The following HECTD4 variants were observed in gnomAD, a reference collection of about 807,000 sequenced individuals.
HECTD4 encodes the protein HECT domain E3 ubiquitin protein ligase 4.
A neutral mutation model predicts 471.5 loss-of-function variants in HECTD4; 114 were observed. The ratio of observed to expected loss-of-function variants is 0.24; its 90% CI spans 0.21 to 0.28. The LOEUF (loss-of-function observed/expected upper bound fraction) is 0.28, where lower values mean the gene tolerates loss of function less well. HECTD4 is among the 10% of genes least tolerant of loss of function. The probability of loss-of-function intolerance (pLI) is 1.00; values close to 1 mark genes in which losing one functional copy is unlikely to be tolerated. For missense variants in HECTD4, 3,866 were observed against 5,651.5 expected, an observed-to-expected ratio of 0.68 and a Z score of 10.13; for synonymous variants, 2,012 against 2,256.0, an observed-to-expected ratio of 0.89 and a Z score of 3.07.
At chr12:112,314,003 T>A (rs536652907) in intron 3 of HECTD4, among the ~76,000 whole-genome samples, 1 of 152,220 alleles carries the variant, frequency 6.6e-6, no homozygotes, top group African/African-American at 2.4e-5. Context: ...TAATATATTA[T>A]CATCTCAAAA....
Position 112,246,831 on chromosome 12 carries a change from TC to T in HECTD4, c.4513+69del, listed in dbSNP as rs369431403. 368 of 1,373,190 alleles carry T rather than the reference TC, an allele frequency of 2.7e-4. 4 individuals are homozygous for T. In the East Asian group the frequency reaches 7.6e-3, roughly 28 times the overall value. 85.1% of individuals were successfully genotyped at this position (1,373,190 alleles called of 1,614,324 possible). A position where few individuals can be genotyped will look rare whatever the true frequency, so the allele number is the denominator to read the frequency against. On this transcript the variant is annotated intron_variant, in intron 29 of 75. Coordinates refer to ENST00000682272, the MANE Select transcript of HECTD4 (RefSeq NM_001388303.1). ...GAATTTTTCAAAATATAGCTGTGTG[TC>T]TTATATGAACAGAGTATATTCTCTG...
In HECTD4 at chr12:112,172,661, G is replaced by A. The variant is rs543207726; in HGVS notation, c.11785+10C>T. On this transcript the variant is annotated intron_variant, in intron 67 of 75. Transcript: ENST00000682272. Reference sequence around the variant, plus strand: ...GCAGCAGGGGAGGGGATAGGCCCAGGGCCACATACTCAGGAGACAGGCCAC... The same window carrying A: ...GCAGCAGGGGAGGGGATAGGCCCAGAGCCACATACTCAGGAGACAGGCCAC... The A allele has an allele frequency of 6.2e-7, 1 of 1,613,338 alleles. No homozygotes were observed. Among genetic ancestry groups the A allele is most frequent in the Admixed American group, 1.7e-5 (1 of 60,016 alleles).
chr12:112,248,196 C>A, intron 26 of HECTD4, 25 bp from the exon 27 acceptor site: 1 of 1,582,886 alleles, frequency 6.3e-7, no homozygotes, highest in Non-Finnish European at 8.6e-7. Flanking sequence ...AAAATAGATG[C>A]AAAATAAAAA....
chr12:112,177,449 G>A (rs555961988), intron 64 of HECTD4, among the ~76,000 whole-genome samples: 2 of 147,518 alleles, frequency 1.4e-5, no homozygotes, highest in East Asian at 2.0e-4. Context: ...GCGTGACCTC[G>A]GCTCACTGCA....
intron 1 of HECTD4, among the ~76,000 whole-genome samples, chr12:112,374,146 G>A (rs1269470734): frequency 1.3e-5 from 2 of 151,974 alleles, no homozygotes; most frequent in Non-Finnish European, 2.9e-5. Context: ...CAACCAGCCT[G>A]AGCAACACAG....
rs1346352208 is a variant in HECTD4 at position 112,207,941 on chromosome 12, T to C, written c.8064A>G (p.Arg2688=). 6.2e-7 allele frequency: 1 copy of C among 1,613,898 alleles called. No individual in the cohort carries two copies. The highest frequency in any genetic ancestry group is 1.1e-5 in the South Asian group (1 of 91,042). Residue 2688 remains arginine, a synonymous_variant, in exon 52 of 76, where the codon CGA becomes CGG. Transcript: ENST00000682272. ...GCTCTGCTTCATTGCGGAAGCGTCT[T>C]CGGATGGTAGGAAAAACCTTGGTCT... ...AWETKVFPTI[R]RRFRNEAERK...
chr12:112,376,075 T>C (rs1051206564), intron 1 of HECTD4, among the ~76,000 whole-genome samples: 8 of 151,090 alleles, frequency 5.3e-5, no homozygotes, highest in South Asian at 2.1e-4. Flanking sequence ...GACTCCTGTC[T>C]AAAAAAAAAT....
In HECTD4 at chr12:112,317,875, G is replaced by A. The variant is rs138229878; in HGVS notation, c.695+1350C>T. Among the ~76,000 whole-genome samples the A allele has an allele frequency of 2.7e-3, 403 of 150,226 alleles. 6 individuals are homozygous for A. Among genetic ancestry groups the A allele is most frequent in the African/African-American group, 9.6e-3 (394 of 41,010 alleles). Reference sequence around the variant, plus strand: ...GGTGCCTGTAGTCCCAGCTACTCGGGAGGCTGAGGTGGGAGGATCACAGTG... The same window carrying A: ...GGTGCCTGTAGTCCCAGCTACTCGGAAGGCTGAGGTGGGAGGATCACAGTG... On this transcript the variant is annotated intron_variant, in intron 2 of 75. Transcript: ENST00000682272.
chr12:112,235,367 C>A lies in HECTD4; in HGVS notation c.5726-101G>T. ...GGTTTGGGATTTGGAATCTTTCTTC[C>A]CCCTTCTCTATTCCTGTCCCCGCTC... On this transcript the variant is annotated intron_variant, in intron 36 of 75. Transcript: ENST00000682272. The surrounding 1 kb of genome is among the most constrained non-coding windows in gnomAD (Gnocchi z 5.0). 6.7e-7 allele frequency: 1 copy of A among 1,489,506 alleles called. No individual in the cohort carries two copies. Among genetic ancestry groups the A allele is most frequent in the South Asian group, 1.3e-5 (1 of 74,992 alleles). 92.3% of individuals were successfully genotyped at this position (1,489,506 alleles called of 1,614,324 possible).
intron 53 of HECTD4, 120 bp downstream of exon 53, chr12:112,204,366 C>T: frequency 1.0e-6 from 1 of 991,004 alleles, no homozygotes; most frequent in Non-Finnish European, 1.5e-6. Context: ...AAGAGGTTAG[C>T]CCAGTCGGAG....
intron 1 of HECTD4, among the ~76,000 whole-genome samples, chr12:112,339,517 G>A (rs2036018176): frequency 6.6e-6 from 1 of 152,040 alleles, no homozygotes; most frequent in African/African-American, 2.4e-5. Context: ...CAGCTGACCA[G>A]GAGCTTTAAA....
chr12:112,265,163 A>AT lies in HECTD4; in HGVS notation c.2619+11dup. 1.3e-6 allele frequency: 2 copies of AT among 1,583,962 alleles called. No individual in the cohort carries two copies. The highest frequency in any genetic ancestry group is 1.2e-5 in the South Asian group (1 of 83,790). ...ATATAATTTTGCTTTCATTAAACAC[A>AT]TTTTTACTTACAGGCACAGTTGAAA... On this transcript the variant is annotated intron_variant, in intron 16 of 75. Transcript: ENST00000682272.
At chr12:112,224,204 T>G (rs2033169303) in intron 44 of HECTD4, among the ~76,000 whole-genome samples, 1 of 152,154 alleles carries the variant, frequency 6.6e-6, no homozygotes, top group Non-Finnish European at 1.5e-5. Context: ...GTCAGTAAAC[T>G]TTGCCATTTA....
At position 112,381,984 on chromosome 12, in the gene HECTD4, C is replaced by G; in HGVS notation, c.145G>C (p.Gly49Arg). Residue 49 changes from glycine (G) to arginine (R), a missense_variant, in exon 1 of 76, where the codon GGG (glycine) becomes CGG (arginine). Coordinates refer to ENST00000682272, the MANE Select transcript of HECTD4 (RefSeq NM_001388303.1). This position sits in a 1 kb window ranked among gnomAD's most constrained non-coding sequence, Gnocchi z 4.1. ...TCGGTGTCCGCGGCCTCTGGGGCCC[C>G]GAGGATCTCGCTGGGCAGCTCGGCC... is the stretch of plus-strand genomic sequence containing the variant. Reference protein sequence around the residue: ...DLAELPSEILGAPEAADTDLE... With the variant: ...DLAELPSEILRAPEAADTDLE... 2.4e-6 allele frequency: 3 copies of G among 1,224,840 alleles called. No homozygotes were observed. The highest frequency in any genetic ancestry group is 2.0e-6 in the Non-Finnish European group (2 of 983,448). The allele number at this position is 1,224,840 out of a possible 1,614,324, so 75.9% of individuals were successfully genotyped here.
chr12:112,164,337 C>T, intron 72 of HECTD4, 62 bp from the exon 73 acceptor site: 2 of 1,540,256 alleles, frequency 1.3e-6, no homozygotes, highest in Non-Finnish European at 8.8e-7. Flanking sequence ...CCCTGATCCC[C>T]AGGTGGCTGG....
chr12:112,340,042 C>CAA (rs1330584489), intron 1 of HECTD4, among the ~76,000 whole-genome samples: 5 of 112,584 alleles, frequency 4.4e-5, no homozygotes, highest in Admixed American at 9.4e-5. Context: ...GAGTGAGACT[C>CAA]AAAAAAAAAA....
intron 9 of HECTD4, among the ~76,000 whole-genome samples, chr12:112,276,171 G>A (rs1212869751): frequency 3.3e-5 from 5 of 152,176 alleles, no homozygotes; most frequent in Non-Finnish European, 5.9e-5. Context: ...CACAGTAGCC[G>A]AAGAGGAACA....
At chr12:112,365,087 G>A (rs754876525) in intron 1 of HECTD4, among the ~76,000 whole-genome samples, 2 of 152,112 alleles carry the variant, frequency 1.3e-5, no homozygotes, top group Non-Finnish European at 2.9e-5. Flanking sequence ...TCTAAAAAGC[G>A]TTATCTAACA....
Position 112,192,691 on chromosome 12 carries a change from T to C in HECTD4, c.9161A>G (p.Gln3054Arg), listed in dbSNP as rs757074272. 6.2e-7 allele frequency: 1 copy of C among 1,602,532 alleles called. No homozygotes were observed. Among genetic ancestry groups the C allele is most frequent in the Non-Finnish European group, 8.5e-7 (1 of 1,175,006 alleles). Residue 3054 changes from glutamine (Q) to arginine (R), a missense_variant, in exon 59 of 76, where the codon CAG becomes CGG. Around this residue, in one of 16 missense-constraint regions of HECTD4, gnomAD observed 364 missense variants for 413.2 expected, o/e 0.88. Transcript: ENST00000682272. ...GLGHKVKRNG[Q>R]LNLIEAACYP... ...ACAGGCGGCCTCGATGAGGTTCAGC[T>C]GGCCATTTCGCTTCACTTTGTGGCC...
Sources: gnomAD v4.1 joint callset for allele counts (sites outside exome capture counted in the v4.1 genomes callset) on GRCh38, gnomAD v4.1.1 for gene constraint, gnomAD v4.1.1 regional missense constraint, Gnocchi (gnomAD v3.1) non-coding constraint, MANE v1.5 for transcripts, NCBI Gene and HGNC (gene_info 2026-07-23, HGNC 2026-07-21) for gene names.